Variants in ZFHX3 observed in about 807,000 individuals in gnomAD.
The protein encoded by ZFHX3 is zinc finger homeobox 3, also known as zinc finger homeobox protein 3.
A neutral mutation model predicts 279.1 loss-of-function variants in ZFHX3; 42 were observed. That is an observed-to-expected ratio of 0.15 (90% CI 0.12 to 0.19). The LOEUF (loss-of-function observed/expected upper bound fraction) is 0.19. Ranked by LOEUF, ZFHX3 falls within the 10% of genes least tolerant of loss-of-function variation. The pLI is 1.00. For missense variants in ZFHX3, 4,981 were observed against 4,754.0 expected, an observed-to-expected ratio of 1.05 and a Z score of -1.40; for synonymous variants, 2,293 against 1,957.8, an observed-to-expected ratio of 1.17 and a Z score of -4.52.
chr16:72,920,007 C>A (rs997639009), intron 3 of ZFHX3, among the ~76,000 whole-genome samples: 1 of 151,502 alleles, frequency 6.6e-6, no homozygotes, highest in Non-Finnish European at 1.5e-5. Context: ...GTTGACCAGG[C>A]TGGTCTCAAA....
intron 4 of ZFHX3, chr16:73,294,190 T>G (rs892726355): frequency 2.0e-5 from 3 of 152,186 alleles, no homozygotes; most frequent in Non-Finnish European, 4.4e-5. Context: ...CCTTTTTTAT[T>G]TCACAAATGT....
intron 9 of ZFHX3, among the ~76,000 whole-genome samples, chr16:72,792,105 T>C (rs986742477): frequency 1.3e-5 from 2 of 152,124 alleles, no homozygotes; most frequent in African/African-American, 4.8e-5. Context: ...AGGTCCAATT[T>C]AGCAAAGATG....
intron 3 of ZFHX3, among the ~76,000 whole-genome samples, chr16:73,360,530 G>C (rs1362161382): frequency 6.6e-6 from 1 of 152,128 alleles, no homozygotes; most frequent in African/African-American, 2.4e-5. Context: ...GTAGAGACAG[G>C]GTTTCGCCAT....
chr16:73,798,153 T>A (rs1960048152), intron 1 of ZFHX3, among the ~76,000 whole-genome samples: 1 of 152,146 alleles, frequency 6.6e-6, no homozygotes, highest in African/African-American at 2.4e-5. Context: ...AACACTGTTG[T>A]CACTACTATA....
At chr16:72,892,802 C>A (rs1228969948) in intron 3 of ZFHX3, among the ~76,000 whole-genome samples, 1 of 152,148 alleles carries the variant, frequency 6.6e-6, no homozygotes, top group Non-Finnish European at 1.5e-5. Context: ...AGCCACCGCA[C>A]CTGACCTCTG....
At chr16:73,886,430 G>A (rs943691794) in intron 1 of ZFHX3, among the ~76,000 whole-genome samples, 29 of 152,160 alleles carry the variant, frequency 1.9e-4, no homozygotes, top group Admixed American at 3.9e-4. Flanking sequence ...AAATAAGGGC[G>A]AAGATATTTC....
chr16:73,340,358 T>C (rs1471793216), intron 3 of ZFHX3, among the ~76,000 whole-genome samples: 2 of 152,186 alleles, frequency 1.3e-5, no homozygotes, highest in Non-Finnish European at 2.9e-5. Context: ...GATGATCTTA[T>C]TTATTTATTT....
intron 1 of ZFHX3, among the ~76,000 whole-genome samples, chr16:73,770,939 G>A (rs892291703): frequency 6.6e-6 from 1 of 152,188 alleles, no homozygotes; most frequent in Non-Finnish European, 1.5e-5. Flanking sequence ...TGCAAGGTAA[G>A]ACATTGTCAT....
chr16:73,566,918 C>A (rs7188519), intron 2 of ZFHX3, among the ~76,000 whole-genome samples: 26,018 of 152,026 alleles, frequency 0.17, 3,343 homozygotes, highest in African/African-American at 0.35. Context: ...AGGCTGTTCT[C>A]GAACTCCCAA....
chr16:72,989,477 CAA>C (rs60029159), intron 1 of ZFHX3, among the ~76,000 whole-genome samples: 15 of 122,590 alleles, frequency 1.2e-4, no homozygotes, highest in African/African-American at 1.7e-4. Flanking sequence ...CACTCTGTCT[CAA>C]AAAAAAAAAA....
intron 3 of ZFHX3, among the ~76,000 whole-genome samples, chr16:73,358,590 T>C (rs2016383782): frequency 1.3e-5 from 2 of 152,222 alleles, no homozygotes; most frequent in Non-Finnish European, 2.9e-5. Flanking sequence ...GAAGCTAAGA[T>C]GGTACATTGT....
intron 4 of ZFHX3, among the ~76,000 whole-genome samples, chr16:72,847,147 G>A (rs1186526176): frequency 6.6e-6 from 1 of 152,212 alleles, no homozygotes; most frequent in Non-Finnish European, 1.5e-5. Flanking sequence ...AGTGGACTTT[G>A]TAAATTTAAA....
intron 1 of ZFHX3, among the ~76,000 whole-genome samples, chr16:73,033,629 C>A (rs982499390): frequency 6.6e-6 from 1 of 152,120 alleles, no homozygotes; most frequent in African/African-American, 2.4e-5. Context: ...AGGCCAGCGC[C>A]GGGGCCCCTT....
Position 72,811,769 on chromosome 16 carries a change from C to T in ZFHX3, c.3672G>A (p.Gln1224=). The T allele has an allele frequency of 6.2e-7, 1 of 1,613,236 alleles. No homozygotes were observed. The highest frequency in any genetic ancestry group is 2.2e-5 in the East Asian group (1 of 44,868). Residue 1224 remains glutamine (Q), a synonymous_variant, in exon 7 of 10, where the codon CAG becomes CAA. Transcript: ENST00000268489. ...CATTACTGTACTTGCAGTAGGGACA[C>T]TGGTACATCTGTGGGGAACACACCC... ...AEEIKPEQMY[Q]CPYCKYSNAD...
At chr16:72,985,212 G>A (rs1197050268) in intron 1 of ZFHX3, among the ~76,000 whole-genome samples, 13 of 151,598 alleles carry the variant, frequency 8.6e-5, no homozygotes, top group African/African-American at 2.9e-4. Flanking sequence ...AAAGGGGAAC[G>A]TAAACATGAA....
intron 5 of ZFHX3, among the ~76,000 whole-genome samples, chr16:73,177,987 CCT>C (rs1198534574): frequency 6.6e-6 from 1 of 152,136 alleles, no homozygotes; most frequent in East Asian, 1.9e-4. Flanking sequence ...GGGCGGGCTA[CCT>C]CTCTGCAGGC....
chr16:73,238,200 G>A (rs547238737), intron 5 of ZFHX3, among the ~76,000 whole-genome samples: 6 of 152,126 alleles, frequency 3.9e-5, no homozygotes, highest in South Asian at 2.1e-4. Flanking sequence ...TCTGAAGAGG[G>A]TTTCTGTGGC....
At chr16:72,847,701 C>T (rs866411716) in intron 4 of ZFHX3, among the ~76,000 whole-genome samples, 10 of 151,864 alleles carry the variant, frequency 6.6e-5, no homozygotes, top group South Asian at 2.1e-4. Context: ...CCAACAGGGA[C>T]ACCCCAAAAG....
At chr16:73,463,778 G>A (rs2018513606) in intron 2 of ZFHX3, among the ~76,000 whole-genome samples, 1 of 152,174 alleles carries the variant, frequency 6.6e-6, no homozygotes, top group Non-Finnish European at 1.5e-5. Context: ...GTGGCTGGAC[G>A]GATATGCAGT....
Sources: allele counts gnomAD v4.1 joint callset (sites outside exome capture counted in the v4.1 genomes callset), GRCh38; gene constraint gnomAD v4.1.1; transcripts MANE v1.5; gene names NCBI Gene and HGNC (gene_info 2026-07-23, HGNC 2026-07-21).